GAK: variants seen among roughly 807,000 people sequenced by gnomAD.
The protein encoded by GAK is cyclin-G-associated kinase.
A neutral mutation model predicts 143.9 loss-of-function variants in GAK; 79 were observed. The observed-to-expected ratio is 0.55, with a 90% CI of 0.46 to 0.66. The LOEUF (loss-of-function observed/expected upper bound fraction) is 0.66, where lower values mean the gene tolerates loss of function less well. GAK is among the 30% of genes least tolerant of loss of function. GAK has a pLI of 0.00. For missense variants in GAK, 1,693 were observed against 1,779.7 expected, an observed-to-expected ratio of 0.95 and a Z score of 0.88; for synonymous variants, 881 against 765.5, an observed-to-expected ratio of 1.15 and a Z score of -2.49.
intron 1 of GAK, among the ~76,000 whole-genome samples, chr4:919,164 C>G (rs1409836258): frequency 8.1e-6 from 1 of 123,316 alleles, no homozygotes; most frequent in South Asian, 2.8e-4. Flanking sequence ...ATGACCTTAG[C>G]AGGACAGAAG....
At chr4:918,517 C>T (rs974711930) in intron 1 of GAK, among the ~76,000 whole-genome samples, 14 of 152,246 alleles carry the variant, frequency 9.2e-5, no homozygotes, top group Non-Finnish European at 1.8e-4. Context: ...CAGTTACTAA[C>T]GACAGATTAC....
At chr4:893,730 C>T (rs1009184385) in intron 8 of GAK, 144 bp downstream of exon 8, 11 of 1,049,022 alleles carry the variant, frequency 1.0e-5, no homozygotes, top group Middle Eastern at 2.4e-4. Context: ...TGGAAACCCC[C>T]CCCCCAGGGA....
At chr4:927,036 C>A (rs549147362) in intron 1 of GAK, among the ~76,000 whole-genome samples, 2 of 34,230 alleles carry the variant, frequency 5.8e-5, no homozygotes, top group Non-Finnish European at 1.2e-4. Context: ...CACCCCTCCC[C>A]GCTCACCTGC....
chr4:931,495 G>A (rs28403582), intron 1 of GAK, among the ~76,000 whole-genome samples: 5,024 of 142,376 alleles, frequency 0.035, 105 homozygotes, highest in East Asian at 0.098. Context: ...TCCCTGGACT[G>A]TAGAAGAACC....
chr4:926,756 T>G (rs1170001274), intron 1 of GAK, among the ~76,000 whole-genome samples: 1 of 152,078 alleles, frequency 6.6e-6, no homozygotes, highest in African/African-American at 2.4e-5. Context: ...TGGCAGAATC[T>G]GGGCCTCACA....
rs1343871901 is a variant in GAK at position 866,438 on chromosome 4, A to C, written c.2969T>G (p.Val990Gly). The stretch of plus-strand genomic sequence containing the variant: ...AGACGGGAAGGATGGTGGGACGGTC[A>C]CAGAGTCCGAATTGAGAAATTCGCC... ...LFGEFLNSDS[V>G]TVPPSFPSAH... Residue 990 changes from valine (V) to glycine (G), a missense_variant, in exon 22 of 28, where the codon GTG becomes GGG. Val to Gly is a moderately radical substitution (Grantham distance 109). This residue lies in a region of GAK where 822 missense variants were observed against 788.7 expected (regional missense o/e 1.04). Transcript: ENST00000314167. 1 of 1,614,024 alleles carries C rather than the reference A, an allele frequency of 6.2e-7. No individual in the cohort carries two copies. Among genetic ancestry groups the C allele is most frequent in the African/African-American group, 1.3e-5 (1 of 74,934 alleles).
intron 1 of GAK, among the ~76,000 whole-genome samples, chr4:922,129 A>G (rs1323106478): frequency 6.6e-6 from 1 of 152,160 alleles, no homozygotes; most frequent in Non-Finnish European, 1.5e-5. Context: ...AATGAAGGAT[A>G]AATAAGTTCA....
At chr4:925,024 T>C (rs1724494557) in intron 1 of GAK, among the ~76,000 whole-genome samples, 1 of 152,114 alleles carries the variant, frequency 6.6e-6, no homozygotes, top group Non-Finnish European at 1.5e-5. Flanking sequence ...ATCACACCCC[T>C]GTACTACAGC....
chr4:903,650 G>A (rs546229605), intron 5 of GAK, among the ~76,000 whole-genome samples: 2 of 151,644 alleles, frequency 1.3e-5, no homozygotes, highest in South Asian at 4.2e-4. Context: ...AGGGGACTGA[G>A]GAAGGAGCGT....
chr4:904,396 T>G (rs540387639), intron 5 of GAK, among the ~76,000 whole-genome samples: 18 of 149,870 alleles, frequency 1.2e-4, no homozygotes, highest in East Asian at 2.0e-4. Context: ...AGGGAGCCAC[T>G]ACCTTGAGGT....
Position 863,312 on chromosome 4 carries a change from G to A in GAK, c.3166+1810C>T, listed in dbSNP as rs138957472. Among the ~76,000 whole-genome samples the A allele has an allele frequency of 2.2e-4, 34 of 152,314 alleles. No individual in the cohort carries two copies. In the East Asian group the frequency reaches 6.2e-3, roughly 28 times the overall value. ...GAATGGATGAGGAGTTGCTTCTTAC[G>A]GATGAGCAAAGAAAGTAGTTTACTG... is the stretch of plus-strand genomic sequence containing the variant. On this transcript the variant is annotated intron_variant, in intron 23 of 27. Transcript: ENST00000314167.
intron 4 of GAK, among the ~76,000 whole-genome samples, chr4:905,753 C>T (rs555141510): frequency 1.4e-4 from 21 of 152,356 alleles, no homozygotes; most frequent in Admixed American, 2.6e-4. Context: ...CCCCAGGCCA[C>T]GTTACTGCAG....
intron 1 of GAK, among the ~76,000 whole-genome samples, chr4:926,288 G>A (rs938462744): frequency 6.6e-5 from 10 of 152,170 alleles, no homozygotes; most frequent in African/African-American, 1.9e-4. Flanking sequence ...AGGGTCAGCC[G>A]CAGCTGAGCA....
intron 22 of GAK, 129 bp downstream of exon 22, chr4:866,235 G>GA (rs57354360): frequency 0.17 from 157,021 of 906,342 alleles, 15,404 homozygotes; most frequent in South Asian, 0.31. Flanking sequence ...GGGCCGCAAG[G>GA]AGCGCACCCG....
At chr4:895,545 G>A (rs184452884) in intron 7 of GAK, among the ~76,000 whole-genome samples, 111 of 152,298 alleles carry the variant, frequency 7.3e-4, no homozygotes, top group Non-Finnish European at 6.9e-4. Context: ...GCAGCCCCAC[G>A]TGCTGTCTCA....
Position 893,387 on chromosome 4 carries a change from G to T in GAK, c.980C>A (p.Pro327His). 1 of 1,577,250 alleles carries T rather than the reference G, an allele frequency of 6.3e-7. No individual in the cohort carries two copies. Among genetic ancestry groups the T allele is most frequent in the Non-Finnish European group, 8.6e-7 (1 of 1,161,532 alleles). ...AAARNVNPKS[P>H]ITELLEQNGG... is the part of the protein sequence containing the mutation. ...GTGTGCCTCCCTCACCTCTGTGATG[G>T]GAGACTTGGGGTTCACGTTGCGGGC... The change falls in exon 9 of 28, where the codon CCC (proline) becomes CAC (histidine). Residue 327 changes from proline (P) to histidine (H), a missense_variant. Around this residue, in one of 2 missense-constraint regions of GAK, gnomAD observed 871 missense variants for 991.0 expected, o/e 0.88. Coordinates refer to ENST00000314167, the MANE Select transcript of GAK (RefSeq NM_005255.4).
At chr4:854,123 T>C (rs893423393) in intron 24 of GAK, among the ~76,000 whole-genome samples, 3 of 151,446 alleles carry the variant, frequency 2.0e-5, no homozygotes, top group African/African-American at 7.3e-5. Flanking sequence ...TCTTTCTTTT[T>C]TTTTTTTTTT....
chr4:884,818 A>G lies in GAK; in HGVS notation c.1206-732T>C, dbSNP rs549652149. On this transcript the variant is annotated intron_variant, in intron 11 of 27. Transcript: ENST00000314167. ...GAGCAGGCCGGAGGCTGCGGGGACC[A>G]GAAAGGCTGGGCTAGGAGCAACCTC... Among the ~76,000 whole-genome samples, 11 of 152,384 alleles carry G rather than the reference A, an allele frequency of 7.2e-5. No homozygotes were observed. The East Asian group carries it at 2.1e-3, about 29-fold the overall frequency.
Position 932,236 on chromosome 4 carries a change from G to A in GAK, c.-49C>T, listed in dbSNP as rs1401281858. ...CGGCAGCCGGAGTGGTCGGGCTCGGGCTCCCGCTCCCTCGCCGTCCGGGTC... is the reference window on the plus strand; with the variant it reads ...CGGCAGCCGGAGTGGTCGGGCTCGGACTCCCGCTCCCTCGCCGTCCGGGTC... On this transcript the variant is annotated 5_prime_UTR_variant, in exon 1 of 28. Coordinates refer to ENST00000314167, the MANE Select transcript of GAK (RefSeq NM_005255.4). The surrounding 1 kb of genome is among the most constrained non-coding windows in gnomAD (Gnocchi z 4.0). The A allele has an allele frequency of 1.5e-5, 22 of 1,476,714 alleles. No individual in the cohort carries two copies. The highest frequency in any genetic ancestry group is 1.9e-5 in the Non-Finnish European group (21 of 1,119,174). 91.5% of individuals were successfully genotyped at this position (1,476,714 alleles called of 1,614,324 possible). A position where few individuals can be genotyped will look rare whatever the true frequency, so the allele number is the denominator to read the frequency against.
Sources: gnomAD v4.1 joint callset for allele counts (sites outside exome capture counted in the v4.1 genomes callset) on GRCh38, gnomAD v4.1.1 for gene constraint, gnomAD v4.1.1 regional missense constraint, Gnocchi (gnomAD v3.1) non-coding constraint, MANE v1.5 for transcripts, NCBI Gene and HGNC (gene_info 2026-07-23, HGNC 2026-07-21) for gene names.